DNAH6: variants seen among roughly 807,000 people sequenced by gnomAD.
The protein encoded by DNAH6 is dynein axonemal heavy chain 6, also known as axonemal beta dynein heavy chain 6.
A neutral mutation model predicts 491.4 loss-of-function variants in DNAH6; 340 were observed. The observed-to-expected ratio is 0.69, with a 90% CI of 0.63 to 0.76. The LOEUF is 0.76. Ranked by LOEUF, DNAH6 falls within the 30% of genes least tolerant of loss-of-function variation. The pLI is 0.00. For missense variants in DNAH6, 4,443 were observed against 4,972.2 expected, an observed-to-expected ratio of 0.89 and a Z score of 3.20; for synonymous variants, 1,603 against 1,686.1, an observed-to-expected ratio of 0.95 and a Z score of 1.21.
At chr2:84,663,342 C>T (rs1460841488) in intron 37 of DNAH6, among the ~76,000 whole-genome samples, 1 of 152,042 alleles carries the variant, frequency 6.6e-6, no homozygotes, top group Admixed American at 6.6e-5. Flanking sequence ...ATCTAAAAAC[C>T]TTGACAAAAA....
intron 14 of DNAH6, among the ~76,000 whole-genome samples, chr2:84,582,914 C>A (rs1683174789): frequency 6.6e-6 from 1 of 152,196 alleles, no homozygotes; most frequent in African/African-American, 2.4e-5. Context: ...TTCCTGTGTT[C>A]AAGAGAAAGG....
chr2:84,573,663 G>A (rs946980202), intron 12 of DNAH6, 76 bp downstream of exon 12: 11 of 1,338,534 alleles, frequency 8.2e-6, no homozygotes, highest in Non-Finnish European at 1.1e-5. Flanking sequence ...ATTCTGTTTG[G>A]TGGTGTCTGG....
rs1219088957 is a variant in DNAH6, at chr2:84,727,814, T to G, written c.10118T>G (p.Met3373Arg). 6.4e-6 allele frequency: 10 copies of G among 1,551,906 alleles called. No homozygotes were observed. Among genetic ancestry groups the G allele is most frequent in the Non-Finnish European group, 8.7e-6 (10 of 1,146,996 alleles). Residue 3373 changes from methionine to arginine, a missense_variant, in exon 61 of 77, where the codon ATG becomes AGG. Met to Arg is a moderately conservative substitution (Grantham distance 91, BLOSUM62 -1). This residue lies in a region of DNAH6 where 1,463 missense variants were observed against 1,656.6 expected (regional missense o/e 0.88). Transcript: ENST00000389394. ...CAACATAAACTCATCTACAGCTTTA[T>G]GCTTTGTGTTGAGATGATGCGTCAG... ...FEQHKLIYSF[M>R]LCVEMMRQQG...
At chr2:84,748,280 T>C (rs1281850330) in intron 63 of DNAH6, among the ~76,000 whole-genome samples, 1 of 152,212 alleles carries the variant, frequency 6.6e-6, no homozygotes, top group Admixed American at 6.5e-5. Context: ...CAGTTTCCCT[T>C]TTAATTATAA....
Position 84,752,778 on chromosome 2 carries a change from C to T in DNAH6, c.10512+7529C>T, listed in dbSNP as rs534143692. Among the ~76,000 whole-genome samples the T allele has an allele frequency of 1.1e-4, 17 of 152,096 alleles. No homozygotes were observed. The South Asian group carries it at 1.7e-3, about 15-fold the overall frequency. ...TTTTATTGCAAATAATATACTATTG[C>T]GTGGATATGCCACATTTTATATATT... On this transcript the variant is annotated intron_variant, in intron 63 of 76. Coordinates refer to ENST00000389394, the MANE Select transcript of DNAH6 (RefSeq NM_001370.2).
chr2:84,613,342 C>G (rs1052114074), intron 22 of DNAH6, among the ~76,000 whole-genome samples: 1 of 152,056 alleles, frequency 6.6e-6, no homozygotes, highest in South Asian at 2.1e-4. Context: ...GAAGCCAATG[C>G]GAGCTGAAGT....
chr2:84,546,835 AC>A (rs1386611430), intron 5 of DNAH6, among the ~76,000 whole-genome samples: 3 of 152,160 alleles, frequency 2.0e-5, no homozygotes, highest in Non-Finnish European at 4.4e-5. Flanking sequence ...TTCCAAAGCA[AC>A]TTGTTACCCA....
At chr2:84,710,261 G>T in intron 55 of DNAH6, 26 bp from the exon 56 acceptor site, 1 of 1,549,552 alleles carries the variant, frequency 6.5e-7, no homozygotes, top group East Asian at 2.4e-5. Context: ...TGAAGCAAAT[G>T]TTCTGCTCTG....
the DNAH6 span, among the ~76,000 whole-genome samples, chr2:84,482,370 G>A: frequency 7.2e-5 from 11 of 152,314 alleles, no homozygotes; most frequent in South Asian, 1.9e-3. Flanking sequence ...TGGAGCTGAC[G>A]TTTAAGTCAT....
intron 4 of DNAH6, among the ~76,000 whole-genome samples, chr2:84,537,005 C>T (rs1677756599): frequency 6.6e-6 from 1 of 151,818 alleles, no homozygotes; most frequent in Non-Finnish European, 1.5e-5. Flanking sequence ...TCACCAAGCC[C>T]CTGCAGTTTA....
chr2:84,695,374 T>C (rs1277854972), intron 46 of DNAH6, among the ~76,000 whole-genome samples: 1 of 152,096 alleles, frequency 6.6e-6, no homozygotes, highest in Non-Finnish European at 1.5e-5. Context: ...GGCAGAGGTG[T>C]GGGAATAATA....
the DNAH6 span, chr2:84,459,650 T>G: frequency 4.8e-6 from 1 of 209,274 alleles, no homozygotes; most frequent in Non-Finnish European, 9.9e-6. Context: ...ACTTGAAGAC[T>G]AGGAGGGAAG....
intron 42 of DNAH6, among the ~76,000 whole-genome samples, chr2:84,685,032 A>G (rs905267493): frequency 6.6e-6 from 1 of 152,222 alleles, no homozygotes; most frequent in Non-Finnish European, 1.5e-5. Flanking sequence ...ACATATTGCA[A>G]TTCATGTAAT....
intron 15 of DNAH6, among the ~76,000 whole-genome samples, chr2:84,588,613 T>G (rs551688974): frequency 1.3e-5 from 2 of 152,346 alleles, no homozygotes; most frequent in East Asian, 3.9e-4. Flanking sequence ...TAAAACAATT[T>G]TATCTCCATG....
chr2:84,491,923 T>C, the DNAH6 span, among the ~76,000 whole-genome samples: 24 of 152,306 alleles, frequency 1.6e-4, no homozygotes, highest in East Asian at 4.4e-3. Context: ...CACTTAGTCG[T>C]AGAACTTGGC....
chr2:84,603,889 A>T (rs1252509171), intron 18 of DNAH6, among the ~76,000 whole-genome samples: 1 of 152,226 alleles, frequency 6.6e-6, no homozygotes, highest in Non-Finnish European at 1.5e-5. Flanking sequence ...AGCCAGCATC[A>T]TAAGGGAAGC....
chr2:84,477,969 A>G, the DNAH6 span, among the ~76,000 whole-genome samples: 1 of 152,188 alleles, frequency 6.6e-6, no homozygotes, highest in African/African-American at 2.4e-5. Flanking sequence ...TAAAGGAAAA[A>G]CAGCTGCTTT....
intron 61 of DNAH6, among the ~76,000 whole-genome samples, chr2:84,728,940 C>T (rs1346860285): frequency 2.0e-5 from 3 of 152,106 alleles, no homozygotes; most frequent in Non-Finnish European, 4.4e-5. Context: ...GTCCTTGGCC[C>T]CTGCAGAAGT....
chr2:84,808,575 G>A (rs1372076369), intron 72 of DNAH6, 33 bp downstream of exon 72: 2 of 1,548,148 alleles, frequency 1.3e-6, no homozygotes, highest in Admixed American at 3.9e-5. Flanking sequence ...TTGCTATTGA[G>A]CATCAAAGCT....
Sources: gnomAD v4.1 joint callset for allele counts (sites outside exome capture counted in the v4.1 genomes callset) on GRCh38, gnomAD v4.1.1 for gene constraint, gnomAD v4.1.1 regional missense constraint, MANE v1.5 for transcripts, NCBI Gene and HGNC (gene_info 2026-07-23, HGNC 2026-07-21) for gene names.